The following AKT1 variants were observed in gnomAD, a reference collection of about 807,000 sequenced individuals.
The protein encoded by AKT1 is AKT serine/threonine kinase 1.
Under a neutral mutation model 63.1 loss-of-function variants are expected in AKT1, and 21 were observed. That is an observed-to-expected ratio of 0.33 (90% CI 0.24 to 0.48). The LOEUF (loss-of-function observed/expected upper bound fraction) is 0.48. Ranked by LOEUF, AKT1 falls within the 20% of genes least tolerant of loss-of-function variation. The pLI is 0.99. For missense variants in AKT1, 382 were observed against 666.0 expected (o/e 0.57, Z 4.69); for synonymous variants, 257 against 253.1 (o/e 1.02, Z -0.15).
At chr14:104,794,520 C>T (rs549290087) in intron 1 of AKT1, 5 of 152,232 alleles carry the variant, frequency 3.3e-5, no homozygotes, top group Admixed American at 2.0e-4. Context: ...ACCATAAGCA[C>T]ATATTCTTGC....
At chr14:104,777,660 C>T (rs1024865269) in intron 4 of AKT1, 22 of 986,322 alleles carry the variant, frequency 2.2e-5, no homozygotes, top group Admixed American at 1.2e-4. Flanking sequence ...AGTGTGTAGC[C>T]GCTGGGGCTC....
chr14:104,792,631 C>T lies in AKT1; in HGVS notation c.13G>A (p.Ala5Thr), dbSNP rs766546254. Reference protein sequence around the residue: MSDVAIVKEGWLHKR... With the variant: MSDVTIVKEGWLHKR... ...TGCAGCCAACCCTCCTTCACAATAG[C>T]CACGTCGCTCATGGTGCCCGAGGCT... is the stretch of plus-strand genomic sequence containing the variant. Residue 5 changes from alanine (A) to threonine (T), a missense_variant, in exon 3 of 15, where the codon GCT becomes ACT. Ala to Thr is a moderately conservative substitution (Grantham distance 58, BLOSUM62 0). Around this residue, in one of 3 missense-constraint regions of AKT1, gnomAD observed 226 missense variants for 366.4 expected, o/e 0.62. Coordinates refer to ENST00000649815, the MANE Select transcript of AKT1 (RefSeq NM_001382430.1). The T allele has an allele frequency of 1.2e-6, 2 of 1,611,364 alleles. No individual in the cohort carries two copies. The highest frequency in any genetic ancestry group is 1.7e-6 in the Non-Finnish European group (2 of 1,179,884).
intron 8 of AKT1, 66 bp from the exon 9 acceptor site, chr14:104,774,046 C>T (rs950985277): frequency 5.3e-5 from 77 of 1,460,758 alleles, no homozygotes; most frequent in Admixed American, 3.4e-4. Flanking sequence ...CCACGCTGCC[C>T]GACACCACGC....
intron 3 of AKT1, among the ~76,000 whole-genome samples, chr14:104,782,072 G>A (rs577614999): frequency 1.5e-3 from 221 of 151,410 alleles, no homozygotes; most frequent in African/African-American, 5.1e-3. Flanking sequence ...GCTCCACCCC[G>A]CCTCCCACGT....
chr14:104,771,049 A>AACCCTCAACAGCTGAGACGCAAAGCT, intron 13 of AKT1: 1 of 580,168 alleles, frequency 1.7e-6, no homozygotes. Flanking sequence ...GCACGGAGAC[A>AACCCTCAACAGCTGAGACGCAAAGCT]ACCCTCAACA....
chr14:104,775,864 C>A (rs1195919539), intron 5 of AKT1, 65 bp from the exon 6 acceptor site: 6 of 1,552,212 alleles, frequency 3.9e-6, no homozygotes, highest in Non-Finnish European at 4.4e-6. Context: ...ACGTCTTTCA[C>A]CCACCCGCCA....
intron 3 of AKT1, among the ~76,000 whole-genome samples, chr14:104,785,766 C>T (rs1046259450): frequency 6.6e-6 from 1 of 152,130 alleles, no homozygotes; most frequent in Non-Finnish European, 1.5e-5. Context: ...GGCCTCAGCC[C>T]GACACACACA....
intron 2 of AKT1, 111 bp downstream of exon 2, chr14:104,793,016 G>A (rs374402134): frequency 2.4e-5 from 9 of 380,064 alleles, no homozygotes; most frequent in Admixed American, 3.9e-5. Flanking sequence ...ACCACCACCC[G>A]CAACAGCCAG....
At chr14:104,774,673 C>T in intron 8 of AKT1, 2 of 504,908 alleles carry the variant, frequency 4.0e-6, no homozygotes, top group South Asian at 5.4e-5. Flanking sequence ...CTGGGGCCTC[C>T]TGGAGCCTCG....
intron 3 of AKT1, among the ~76,000 whole-genome samples, chr14:104,782,625 G>A (rs2140966593): frequency 6.6e-6 from 1 of 152,296 alleles, no homozygotes; most frequent in African/African-American, 2.4e-5. Flanking sequence ...GGGATGGGCA[G>A]AGGCCCAAAT....
chr14:104,786,090 G>T (rs1418662243), intron 3 of AKT1, among the ~76,000 whole-genome samples: 1 of 152,066 alleles, frequency 6.6e-6, no homozygotes, highest in African/African-American at 2.4e-5. Flanking sequence ...CCCTGTCCCT[G>T]TCCCTGTCCC....
rs556663702 is a variant in AKT1 at position 104,784,401 on chromosome 14, C to T, written c.47-4185G>A. Among the ~76,000 whole-genome samples the T allele has an allele frequency of 3.2e-4, 48 of 152,244 alleles. 1 individual carries two copies. The highest frequency in any genetic ancestry group is 1.1e-3 in the African/African-American group (44 of 41,542). ...CAGTTGGCCAGACTCCTGTCCCTGC[C>T]CGGGGGGACAGCGGAGACCAGGCTC... On this transcript the variant is annotated intron_variant, in intron 3 of 14. Transcript: ENST00000649815.
chr14:104,793,440 A>G, intron 1 of AKT1, 136 bp from the exon 2 acceptor site: 1 of 202,646 alleles, frequency 4.9e-6, no homozygotes, highest in Non-Finnish European at 1.0e-5. Context: ...CCTAAACCAC[A>G]GCGCCCCTGC....
At chr14:104,773,165 G>T in intron 11 of AKT1, 73 bp from the exon 12 acceptor site, 1 of 1,609,870 alleles carries the variant, frequency 6.2e-7, no homozygotes, top group Non-Finnish European at 8.5e-7. Context: ...GGTGTGACGT[G>T]CTTGGGGCAC....
intron 3 of AKT1, among the ~76,000 whole-genome samples, chr14:104,790,618 C>T (rs1426766201): frequency 6.6e-6 from 1 of 152,210 alleles, no homozygotes; most frequent in Non-Finnish European, 1.5e-5. Flanking sequence ...CTCTCGGCAA[C>T]AAGAGGGGCT....
At chr14:104,776,008 C>T (rs1415760791) in intron 5 of AKT1, 3 of 578,920 alleles carry the variant, frequency 5.2e-6, no homozygotes, top group Non-Finnish European at 9.0e-6. Context: ...CCAGGCTTAG[C>T]CCCCCAGCAG....
intron 4 of AKT1, among the ~76,000 whole-genome samples, chr14:104,779,205 G>A (rs1047890426): frequency 1.3e-5 from 2 of 152,200 alleles, no homozygotes; most frequent in African/African-American, 2.4e-5. Context: ...ACAGCAGGGC[G>A]GAGCAGGGAG....
intron 3 of AKT1, among the ~76,000 whole-genome samples, chr14:104,785,739 C>T (rs112150145): frequency 2.0e-5 from 3 of 152,264 alleles, no homozygotes; most frequent in Non-Finnish European, 2.9e-5. Context: ...CACCTCCTTC[C>T]GCTCCACCAT....
At position 104,792,595 on chromosome 14, in the gene AKT1, A is replaced by G; in HGVS notation, c.46+3T>C. On this transcript the variant is annotated splice_donor_region_variant and intron_variant, in intron 3 of 14. Coordinates refer to ENST00000649815, the MANE Select transcript of AKT1 (RefSeq NM_001382430.1). ...AGGCCCAGCCCTGGCAGCGGGTACT[A>G]ACCTCGTTTGTGCAGCCAACCCTCC... is the stretch of plus-strand genomic sequence containing the variant. 1 of 1,612,096 alleles carries G rather than the reference A, an allele frequency of 6.2e-7. No individual in the cohort carries two copies. Among genetic ancestry groups the G allele is most frequent in the African/African-American group, 1.3e-5 (1 of 74,992 alleles).
Sources: gnomAD v4.1 joint callset for allele counts (sites outside exome capture counted in the v4.1 genomes callset) on GRCh38, gnomAD v4.1.1 for gene constraint, gnomAD v4.1.1 regional missense constraint, MANE v1.5 for transcripts, NCBI Gene and HGNC (gene_info 2026-07-23, HGNC 2026-07-21) for gene names.